LAMA4: variants seen among roughly 807,000 people sequenced by gnomAD.
The protein encoded by LAMA4 is laminin subunit alpha-4.
A neutral mutation model predicts 207.1 loss-of-function variants in LAMA4; 127 were observed. The observed-to-expected ratio is 0.61, with a 90% CI of 0.53 to 0.71. The LOEUF (loss-of-function observed/expected upper bound fraction) is 0.71, where lower values mean the gene tolerates loss of function less well. Ranked by LOEUF, LAMA4 falls within the 30% of genes least tolerant of loss-of-function variation. The pLI, the probability that LAMA4 is intolerant of heterozygous loss-of-function variation, is 0.00. For synonymous variants in LAMA4, 761 were observed against 816.0 expected (o/e 0.93, Z 1.15); for missense variants, 2,093 against 2,246.5 (o/e 0.93, Z 1.38).
Position 112,141,268 on chromosome 6 carries a change from A to ATG in LAMA4, c.2813+88_2813+89dup, listed in dbSNP as rs149046391. The ATG allele has an allele frequency of 4.6e-4, 500 of 1,076,084 alleles. 1 individual carries two copies. Among genetic ancestry groups the ATG allele is most frequent in the Non-Finnish European group, 5.9e-4 (414 of 698,486 alleles). 66.7% of individuals were successfully genotyped at this position (1,076,084 alleles called of 1,614,324 possible). A position where few individuals can be genotyped will look rare whatever the true frequency, so the allele number is the denominator to read the frequency against. The stretch of plus-strand genomic sequence containing the variant: ...TATAACATCCACAGGAAGACTGTGT[A>ATG]TGTGTGTGTGTGTGTGCACGCACAT... On this transcript the variant is annotated intron_variant, in intron 21 of 38. Transcript: ENST00000230538.
intron 16 of LAMA4, among the ~76,000 whole-genome samples, chr6:112,153,067 TG>T (rs1221337455): frequency 2.0e-5 from 3 of 152,084 alleles, no homozygotes; most frequent in Non-Finnish European, 4.4e-5. Flanking sequence ...TTTACTGACT[TG>T]CATAAATACT....
At chr6:112,137,499 G>T (rs1176668550) in intron 24 of LAMA4, among the ~76,000 whole-genome samples, 2 of 152,144 alleles carry the variant, frequency 1.3e-5, no homozygotes, top group East Asian at 3.8e-4. Context: ...TTATCCTTTT[G>T]TCAGACTTTC....
chr6:112,139,439 G>A (rs1779549829), intron 23 of LAMA4, 148 bp from the exon 24 acceptor site: 3 of 869,628 alleles, frequency 3.4e-6, no homozygotes, highest in Admixed American at 4.2e-5. Context: ...GAGATAAAGA[G>A]GTATTTGTAG....
chr6:112,118,852 A>G lies in LAMA4; in HGVS notation c.4821+304T>C, dbSNP rs1186970064. Among the ~76,000 whole-genome samples, 1 of 152,080 alleles carries G rather than the reference A, an allele frequency of 6.6e-6. No homozygotes were observed. The highest frequency in any genetic ancestry group is 1.5e-5 in the Non-Finnish European group (1 of 68,010). ...TCTTTTTTGTTATGTCTTTACATTA[A>G]AAGTATGGGTACTTCCTGAACAAAT... is the stretch of plus-strand genomic sequence containing the variant. On this transcript the variant is annotated intron_variant, in intron 34 of 38. Transcript: ENST00000230538. This position sits in a 1 kb window ranked among gnomAD's most constrained non-coding sequence, Gnocchi z 4.6.
chr6:112,238,434 G>A (rs548639741), intron 2 of LAMA4, among the ~76,000 whole-genome samples: 1 of 152,300 alleles, frequency 6.6e-6, no homozygotes, highest in South Asian at 2.1e-4. Flanking sequence ...AGTTGGCCAG[G>A]CATGGTGGCT....
intron 24 of LAMA4, 33 bp from the exon 25 acceptor site, chr6:112,136,287 A>C (rs1164844766): frequency 6.4e-7 from 1 of 1,565,690 alleles, no homozygotes; most frequent in East Asian, 2.2e-5. Context: ...AGATAGGAAC[A>C]TCTGTTATGC....
At chr6:112,210,717 G>A (rs979811459) in intron 3 of LAMA4, among the ~76,000 whole-genome samples, 13 of 152,104 alleles carry the variant, frequency 8.5e-5, no homozygotes, top group African/African-American at 3.1e-4. Context: ...AGGTGAAATT[G>A]TGTAGAGGCT....
chr6:112,209,363 G>T (rs1037874112), intron 3 of LAMA4, among the ~76,000 whole-genome samples: 6 of 152,140 alleles, frequency 3.9e-5, no homozygotes, highest in Admixed American at 6.6e-5. Flanking sequence ...TAGATTCCTT[G>T]TCAGGGCTTT....
At chr6:112,188,887 T>TA in intron 7 of LAMA4, 2 of 536,018 alleles carry the variant, frequency 3.7e-6, no homozygotes, top group African/African-American at 1.9e-5. Context: ...AAAGACTGGA[T>TA]AAAATAGAGC....
intron 2 of LAMA4, among the ~76,000 whole-genome samples, chr6:112,242,126 C>T (rs1786562796): frequency 6.6e-6 from 1 of 152,190 alleles, no homozygotes. Flanking sequence ...GTTTTGGTAT[C>T]TGGGCTATGG....
intron 16 of LAMA4, among the ~76,000 whole-genome samples, chr6:112,153,873 AGTT>A (rs1780540876): frequency 6.8e-6 from 1 of 146,368 alleles, no homozygotes; most frequent in South Asian, 2.1e-4. Context: ...ATAAAATAAC[AGTT>A]GTTTTATGGG....
At chr6:112,155,466 G>T in intron 15 of LAMA4, 99 bp downstream of exon 15, 1 of 1,344,298 alleles carries the variant, frequency 7.4e-7, no homozygotes, top group Non-Finnish European at 1.1e-6. Flanking sequence ...CACTCTTTCT[G>T]CCATTTGGAT....
At chr6:112,131,650 C>T (rs1262456131) in intron 28 of LAMA4, among the ~76,000 whole-genome samples, 8 of 152,038 alleles carry the variant, frequency 5.3e-5, no homozygotes, top group Non-Finnish European at 1.2e-4. Context: ...CTTAAGTCTG[C>T]CCTCAAAATA....
At chr6:112,248,323 A>G (rs569419879) in intron 2 of LAMA4, among the ~76,000 whole-genome samples, 1 of 151,990 alleles carries the variant, frequency 6.6e-6, no homozygotes, top group South Asian at 2.1e-4. Flanking sequence ...ACACGGTGAA[A>G]CCCGTCTCTA....
rs140937460 is a variant in LAMA4, at chr6:112,143,442, G to A, written c.2494-1150C>T. 5.2e-3 allele frequency among the ~76,000 whole-genome samples: 795 copies of A among 152,126 alleles called. 8 individuals carry two copies. Among genetic ancestry groups the A allele is most frequent in the Non-Finnish European group, 6.8e-3 (462 of 67,990 alleles). ...TGGGACTACAGGTGTGCGCCACCAC[G>A]CCCAGCCAATTTTTGTATTTTGGTA... is the stretch of plus-strand genomic sequence containing the variant. On this transcript the variant is annotated intron_variant, in intron 19 of 38. Coordinates refer to ENST00000230538, the MANE Select transcript of LAMA4 (RefSeq NM_001105206.3).
intron 3 of LAMA4, among the ~76,000 whole-genome samples, chr6:112,207,846 A>G (rs185418549): frequency 2.2e-4 from 34 of 152,322 alleles, no homozygotes. Context: ...TCTTGAAAGT[A>G]CATCCTAATT....
rs868985656 is a variant in LAMA4, at chr6:112,241,199, A to T, written c.195+12757T>A. On this transcript the variant is annotated intron_variant, in intron 2 of 38. Transcript: ENST00000230538. ...TATATATGAATATATATGAATATAT[A>T]TGATATATATGAATGTATATATATG... is the stretch of plus-strand genomic sequence containing the variant. 5.9e-4 allele frequency among the ~76,000 whole-genome samples: 79 copies of T among 133,040 alleles called. 3 individuals carry two copies. The Middle Eastern group carries it at 0.011, about 19-fold the overall frequency. 87.3% of individuals were successfully genotyped at this position (133,040 alleles called of 152,430 possible).
In LAMA4 at chr6:112,174,955, T is replaced by C. The variant is rs117825668; in HGVS notation, c.1357+358A>G. Reference sequence around the variant, plus strand: ...ATTCATGGTCTTCACAACATGAATGTTTCTGGCCTTGTAGCATTCCTGCCT... The same window carrying C: ...ATTCATGGTCTTCACAACATGAATGCTTCTGGCCTTGTAGCATTCCTGCCT... On this transcript the variant is annotated intron_variant, in intron 11 of 38. Coordinates refer to ENST00000230538, the MANE Select transcript of LAMA4 (RefSeq NM_001105206.3). Among the ~76,000 whole-genome samples, 611 of 152,344 alleles carry C rather than the reference T, an allele frequency of 4.0e-3. 2 individuals carry two copies. Among genetic ancestry groups the C allele is most frequent in the Middle Eastern group, 0.02 (6 of 294 alleles).
intron 2 of LAMA4, among the ~76,000 whole-genome samples, chr6:112,237,949 A>C (rs1786056810): frequency 6.6e-6 from 1 of 152,098 alleles, no homozygotes; most frequent in African/African-American, 2.4e-5. Context: ...CATGATTCTC[A>C]CTGTGTTTCT....
Sources: gnomAD v4.1 joint callset for allele counts (sites outside exome capture counted in the v4.1 genomes callset) on GRCh38, gnomAD v4.1.1 for gene constraint, Gnocchi (gnomAD v3.1) non-coding constraint, MANE v1.5 for transcripts, NCBI Gene and HGNC (gene_info 2026-07-23, HGNC 2026-07-21) for gene names.